RB1: variants seen among roughly 807,000 people sequenced by gnomAD.
The protein encoded by RB1 is retinoblastoma-associated protein.
A neutral mutation model predicts 135.4 loss-of-function variants in RB1; 18 were observed. The observed-to-expected ratio is 0.13, with a 90% CI of 0.09 to 0.20. The LOEUF (loss-of-function observed/expected upper bound fraction) is 0.20. Ranked by LOEUF, RB1 falls within the 10% of genes least tolerant of loss-of-function variation. The pLI is 1.00. For missense variants in RB1, 868 were observed against 1,110.0 expected, an observed-to-expected ratio of 0.78 and a Z score of 3.10; for synonymous variants, 365 against 373.2, an observed-to-expected ratio of 0.98 and a Z score of 0.25.
chr13:48,344,054 C>T (rs896355203), intron 3 of RB1, among the ~76,000 whole-genome samples: 71 of 152,212 alleles, frequency 4.7e-4, no homozygotes, highest in African/African-American at 1.5e-3. Flanking sequence ...TTTCAGTTAG[C>T]TGCTTTGGTA....
intron 23 of RB1, among the ~76,000 whole-genome samples, chr13:48,465,582 G>A (rs4151602): frequency 4.6e-5 from 7 of 151,992 alleles, no homozygotes; most frequent in African/African-American, 1.2e-4. Context: ...GAACAGCTCC[G>A]GTCTACAGCT....
chr13:48,379,682 C>G (rs2138141178), intron 14 of RB1, 32 bp downstream of exon 14: 2 of 1,592,994 alleles, frequency 1.3e-6, no homozygotes, highest in South Asian at 1.1e-5. Flanking sequence ...AAAATTTCAG[C>G]CGGGCGCGGT....
intron 16 of RB1, among the ~76,000 whole-genome samples, chr13:48,380,707 A>G (rs1198148726): frequency 6.6e-6 from 1 of 152,218 alleles, no homozygotes; most frequent in Non-Finnish European, 1.5e-5. Context: ...ATTATGTTGC[A>G]AATGTTAAAA....
At chr13:48,306,331 G>C (rs1051631530) in intron 1 of RB1, among the ~76,000 whole-genome samples, 9 of 152,220 alleles carry the variant, frequency 5.9e-5, no homozygotes, top group African/African-American at 2.2e-4. Flanking sequence ...CTTGAGCCCA[G>C]GAGTTTGAGA....
intron 2 of RB1, chr13:48,317,182 G>T: frequency 1.7e-6 from 1 of 583,936 alleles, no homozygotes; most frequent in Non-Finnish European, 2.6e-6. Flanking sequence ...TGTGGAGGCA[G>T]CCCCATGTCG....
intron 7 of RB1, among the ~76,000 whole-genome samples, chr13:48,362,365 T>C (rs997224342): frequency 6.6e-6 from 1 of 151,952 alleles, no homozygotes; most frequent in Non-Finnish European, 1.5e-5. Context: ...TTTACTATAA[T>C]ATATTTTATA....
At chr13:48,385,258 T>A (rs1375751155) in intron 17 of RB1, among the ~76,000 whole-genome samples, 1 of 152,098 alleles carries the variant, frequency 6.6e-6, no homozygotes, top group Non-Finnish European at 1.5e-5. Flanking sequence ...TCATGCTAAT[T>A]CCTCAGGTAA....
chr13:48,424,594 C>A (rs1258773473), intron 17 of RB1, among the ~76,000 whole-genome samples: 2 of 60,086 alleles, frequency 3.3e-5, no homozygotes, highest in Non-Finnish European at 7.6e-5. Context: ...GTTGTCCCTT[C>A]TTCCTTATCT....
At chr13:48,432,357 C>G (rs1949138829) in intron 17 of RB1, among the ~76,000 whole-genome samples, 1 of 150,454 alleles carries the variant, frequency 6.6e-6, no homozygotes, top group Admixed American at 6.6e-5. Flanking sequence ...TGGTAAGATT[C>G]TACATTTCTG....
chr13:48,394,940 C>G (rs866023784), intron 17 of RB1, among the ~76,000 whole-genome samples: 1 of 152,224 alleles, frequency 6.6e-6, no homozygotes, highest in Non-Finnish European at 1.5e-5. Flanking sequence ...GACCCCTGTG[C>G]CTCCTGACTG....
intron 17 of RB1, among the ~76,000 whole-genome samples, chr13:48,443,170 A>G (rs977049747): frequency 3.6e-4 from 55 of 151,730 alleles, no homozygotes; most frequent in Non-Finnish European, 5.9e-4. Context: ...CTCTTAGTCT[A>G]TAATTTAGCG....
chr13:48,455,600 A>T (rs982028019), intron 18 of RB1, among the ~76,000 whole-genome samples: 2 of 152,250 alleles, frequency 1.3e-5, no homozygotes, highest in Non-Finnish European at 2.9e-5. Flanking sequence ...AGCTACCAAA[A>T]GAAAATCAGA....
chr13:48,446,744 G>A (rs1949290560), intron 17 of RB1, among the ~76,000 whole-genome samples: 1 of 152,218 alleles, frequency 6.6e-6, no homozygotes, highest in Admixed American at 6.5e-5. Context: ...TTATGCCACA[G>A]TCATGGAATA....
rs373246825 is a variant in RB1 at position 48,399,293 on chromosome 13, T to C, written c.1695+17850T>C. 9.9e-5 allele frequency among the ~76,000 whole-genome samples: 15 copies of C among 151,974 alleles called. No individual in the cohort carries two copies. The East Asian group carries it at 2.1e-3, about 21-fold the overall frequency. On this transcript the variant is annotated intron_variant, in intron 17 of 26. Transcript: ENST00000267163. ...TGCCTAAAGTCATCTTCTATACGAA[T>C]GCAAAAATGTAACGACAAAGAAGGG...
intron 17 of RB1, among the ~76,000 whole-genome samples, chr13:48,395,084 A>G (rs1369026712): frequency 4.5e-5 from 1 of 22,196 alleles, no homozygotes; most frequent in Non-Finnish European, 4.5e-4. Context: ...TGCAACCTCC[A>G]CTGGTGATAC....
chr13:48,339,474 G>A (rs7335353), intron 2 of RB1, among the ~76,000 whole-genome samples: 1 of 152,178 alleles, frequency 6.6e-6, no homozygotes, highest in Non-Finnish European at 1.5e-5. Flanking sequence ...CTCCGAGCCA[G>A]GCACAGGATA....
intron 13 of RB1, 64 bp downstream of exon 13, chr13:48,377,098 C>T: frequency 6.7e-7 from 1 of 1,485,736 alleles, no homozygotes; most frequent in Non-Finnish European, 9.4e-7. Flanking sequence ...AGCATCTTTC[C>T]AGTTCGTATA....
chr13:48,333,091 T>C, intron 2 of RB1: 1 of 398,358 alleles, frequency 2.5e-6, no homozygotes. Flanking sequence ...ACCGTGGATA[T>C]GGAATGACTG....
chr13:48,438,559 T>C lies in RB1; in HGVS notation c.1696-14434T>C, dbSNP rs889244911. On this transcript the variant is annotated intron_variant, in intron 17 of 26. Coordinates refer to ENST00000267163, the MANE Select transcript of RB1 (RefSeq NM_000321.3). ...GCTATTTTTTATTTACTTATCTGTT[T>C]TTTTTTTCATTAGACTGTAAACTAT... Among the ~76,000 whole-genome samples the C allele has an allele frequency of 6.6e-5, 10 of 152,076 alleles. No individual in the cohort carries two copies. In the South Asian group the frequency reaches 1.5e-3, roughly 22 times the overall value.
Sources: allele counts gnomAD v4.1 joint callset (sites outside exome capture counted in the v4.1 genomes callset), GRCh38; gene constraint gnomAD v4.1.1; transcripts MANE v1.5; gene names NCBI Gene and HGNC (gene_info 2026-07-23, HGNC 2026-07-21).